The following FAM78B variants were observed in gnomAD, a reference collection of about 807,000 sequenced individuals.
The protein encoded by FAM78B is family with sequence similarity 78 member B.
A neutral mutation model predicts 20.0 loss-of-function variants in FAM78B; 10 were observed. The observed-to-expected ratio is 0.50, with a 90% CI of 0.31 to 0.85. FAM78B has a LOEUF of 0.85. Among genes scored for constraint, FAM78B ranks in the 40% least tolerant of loss-of-function variants. The probability of loss-of-function intolerance (pLI) is 0.05; values close to 1 mark genes in which losing one functional copy is unlikely to be tolerated. For missense variants in FAM78B, 283 were observed against 345.0 expected, an observed-to-expected ratio of 0.82 and a Z score of 1.42; for synonymous variants, 135 against 132.8, an observed-to-expected ratio of 1.02 and a Z score of -0.12.
At chr1:166,126,051 G>C (rs1654630995) in intron 1 of FAM78B, among the ~76,000 whole-genome samples, 1 of 152,026 alleles carries the variant, frequency 6.6e-6, no homozygotes, top group African/African-American at 2.4e-5. Flanking sequence ...GGCCAGGATG[G>C]TTTCAATCTC....
chr1:166,138,333 C>G (rs569072383), intron 1 of FAM78B, among the ~76,000 whole-genome samples: 8 of 152,238 alleles, frequency 5.3e-5, no homozygotes, highest in Admixed American at 1.3e-4. Flanking sequence ...TTGCCCACCC[C>G]CTGTGTTTCT....
intron 1 of FAM78B, among the ~76,000 whole-genome samples, chr1:166,161,083 T>C (rs1046292594): frequency 8.5e-5 from 13 of 152,188 alleles, no homozygotes; most frequent in African/African-American, 3.1e-4. Flanking sequence ...ATAAAGTTGG[T>C]TCTTTTGAAA....
intron 1 of FAM78B, among the ~76,000 whole-genome samples, chr1:166,150,106 G>T (rs1266504395): frequency 1.3e-5 from 2 of 152,124 alleles, no homozygotes; most frequent in African/African-American, 4.8e-5. Flanking sequence ...CTGTGCCTCA[G>T]GGGGGGTTTG....
At chr1:166,165,658 C>T (rs1394493172) in intron 1 of FAM78B, among the ~76,000 whole-genome samples, 1 of 152,220 alleles carries the variant, frequency 6.6e-6, no homozygotes, top group East Asian at 1.9e-4. Flanking sequence ...CAGACGGCGC[C>T]CTGAAACTCG....
chr1:166,150,045 C>A (rs7551664), intron 1 of FAM78B, among the ~76,000 whole-genome samples: 4 of 152,128 alleles, frequency 2.6e-5, no homozygotes, highest in Non-Finnish European at 5.9e-5. Flanking sequence ...GCAGAGAAAC[C>A]TGGAGCTAGC....
intron 1 of FAM78B, among the ~76,000 whole-genome samples, chr1:166,097,536 GACCAGCCCTTTGGGGACTGAGACCA>G (rs1339341745): frequency 2.6e-5 from 4 of 151,164 alleles, no homozygotes; most frequent in African/African-American, 7.3e-5. Context: ...GTGGGAGTGA[GACCAGCCCTTTGGGGACTGAGACCA>G]ACCAGCCCTT....
chr1:166,134,076 G>A lies in FAM78B; in HGVS notation c.263+31910C>T, dbSNP rs1654981189. 2.0e-5 allele frequency among the ~76,000 whole-genome samples: 3 copies of A among 152,098 alleles called. No individual in the cohort carries two copies. In the South Asian group the frequency reaches 6.2e-4, roughly 32 times the overall value. ...CTCAGGTTCAGAGAAAAGAAAGTTTGGGGGGTTTCCCCATGCTGTCAGGGG... is the reference window on the plus strand; with the variant it reads ...CTCAGGTTCAGAGAAAAGAAAGTTTAGGGGGTTTCCCCATGCTGTCAGGGG... On this transcript the variant is annotated intron_variant, in intron 1 of 1. Transcript: ENST00000354422.
intron 1 of FAM78B, among the ~76,000 whole-genome samples, chr1:166,078,924 C>T (rs1024038918): frequency 4.3e-5 from 5 of 116,478 alleles, no homozygotes; most frequent in Non-Finnish European, 8.8e-5. Flanking sequence ...CCTGGCCTTA[C>T]ATGTTTTTTT....
chr1:166,115,101 C>T (rs377339670), intron 1 of FAM78B, among the ~76,000 whole-genome samples: 4 of 152,290 alleles, frequency 2.6e-5, no homozygotes, highest in Admixed American at 1.3e-4. Context: ...ATGGTTTGTT[C>T]GTTCATCTGA....
intron 1 of FAM78B, among the ~76,000 whole-genome samples, chr1:166,086,748 C>T (rs889853306): frequency 2.0e-5 from 3 of 152,152 alleles, no homozygotes; most frequent in Admixed American, 2.0e-4. Flanking sequence ...GTGACAGGAC[C>T]ATAGACATGT....
chr1:166,101,128 G>T (rs1033548412), intron 1 of FAM78B, among the ~76,000 whole-genome samples: 1 of 152,156 alleles, frequency 6.6e-6, no homozygotes, highest in Non-Finnish European at 1.5e-5. Flanking sequence ...TGCAACTGAG[G>T]GTCCCGACTG....
intron 1 of FAM78B, among the ~76,000 whole-genome samples, chr1:166,158,018 CAT>C (rs1385701275): frequency 6.6e-6 from 1 of 152,248 alleles, no homozygotes. Context: ...GGTTCACACA[CAT>C]GATCTCAGAG....
intron 1 of FAM78B, among the ~76,000 whole-genome samples, chr1:166,088,194 A>G (rs1054716208): frequency 1.3e-5 from 2 of 152,298 alleles, no homozygotes; most frequent in Non-Finnish European, 1.5e-5. Flanking sequence ...GGGAACAGCT[A>G]TGCAACAGAG....
rs1300299873 is a variant in FAM78B at position 166,160,875 on chromosome 1, T to A, written c.263+5111A>T. 2.6e-5 allele frequency among the ~76,000 whole-genome samples: 4 copies of A among 152,330 alleles called. No individual in the cohort carries two copies. In the East Asian group the frequency reaches 7.7e-4, roughly 29 times the overall value. On this transcript the variant is annotated intron_variant, in intron 1 of 1. Coordinates refer to ENST00000354422, the MANE Select transcript of FAM78B (RefSeq NM_001017961.5). ...ATATTCTCACTAATTATATTCTTAG[T>A]AATGGTAACCAGTATAAGAACAGCG... is the stretch of plus-strand genomic sequence containing the variant.
At chr1:166,141,287 T>C (rs1441462321) in intron 1 of FAM78B, among the ~76,000 whole-genome samples, 1 of 152,212 alleles carries the variant, frequency 6.6e-6, no homozygotes, top group Non-Finnish European at 1.5e-5. Context: ...GTGAGACAAA[T>C]GGTTGAGAGG....
At chr1:166,128,736 G>T (rs1654734116) in intron 1 of FAM78B, among the ~76,000 whole-genome samples, 1 of 152,184 alleles carries the variant, frequency 6.6e-6, no homozygotes. Context: ...GAGAGACAGT[G>T]GGTGAGGCAG....
downstream of FAM78B, among the ~76,000 whole-genome samples, chr1:166,057,124 C>A (rs1323155262): frequency 1.3e-5 from 2 of 152,206 alleles, no homozygotes; most frequent in South Asian, 2.1e-4. Flanking sequence ...GGCCACCCAA[C>A]TTAGGATATT....
intron 1 of FAM78B, among the ~76,000 whole-genome samples, chr1:166,151,995 T>C (rs1019822113): frequency 1.7e-4 from 26 of 152,216 alleles, no homozygotes; most frequent in Non-Finnish European, 3.4e-4. Context: ...TCAATTGTGA[T>C]TACGCAACCC....
At chr1:166,125,733 A>G (rs1654617221) in intron 1 of FAM78B, among the ~76,000 whole-genome samples, 1 of 152,166 alleles carries the variant, frequency 6.6e-6, no homozygotes, top group Admixed American at 6.5e-5. Flanking sequence ...AATCATCTCT[A>G]CATTACCTAT....
Sources: gnomAD v4.1 joint callset for allele counts (sites outside exome capture counted in the v4.1 genomes callset) on GRCh38, gnomAD v4.1.1 for gene constraint, MANE v1.5 for transcripts, NCBI Gene and HGNC (gene_info 2026-07-23, HGNC 2026-07-21) for gene names.